The following SYT9 variants were observed in gnomAD, a reference collection of about 807,000 sequenced individuals.
The protein encoded by SYT9 is synaptotagmin 9.
Under a neutral mutation model 48.4 loss-of-function variants are expected in SYT9, and 22 were observed. That is an observed-to-expected ratio of 0.45 (90% confidence interval 0.32 to 0.65). SYT9 has a LOEUF of 0.65. SYT9 is among the 30% of genes least tolerant of loss of function. The probability of loss-of-function intolerance (pLI) is 0.03; values close to 1 mark genes in which losing one functional copy is unlikely to be tolerated. For missense variants in SYT9, 577 were observed against 622.0 expected, an observed-to-expected ratio of 0.93 and a Z score of 0.77; for synonymous variants, 265 against 245.0, an observed-to-expected ratio of 1.08 and a Z score of -0.76.
chr11:7,431,103 G>T (rs958709251), intron 6 of SYT9, among the ~76,000 whole-genome samples: 2 of 152,208 alleles, frequency 1.3e-5, no homozygotes, highest in Non-Finnish European at 2.9e-5. Context: ...CTGGTTAAAT[G>T]GTTGTGACCA....
intron 6 of SYT9, among the ~76,000 whole-genome samples, chr11:7,446,056 C>T (rs1411158028): frequency 6.6e-6 from 1 of 152,224 alleles, no homozygotes. Flanking sequence ...ATGTGGGAGC[C>T]CCAAGCTGGG....
Position 7,313,654 on chromosome 11 carries a change from T to C in SYT9, c.757T>C (p.Ser253Pro). The C allele has an allele frequency of 6.2e-7, 1 of 1,614,236 alleles. No homozygotes were observed. Among genetic ancestry groups the C allele is most frequent in the South Asian group, 1.1e-5 (1 of 91,084 alleles). The change falls in exon 3 of 7, where the codon TCT (serine) becomes CCT (proline). Residue 253 changes from serine to proline, a missense_variant. Transcript: ENST00000318881. Reference protein sequence around the residue: ...KAVNLPAKDFSGTSDPYVKIY... With the variant: ...KAVNLPAKDFPGTSDPYVKIY... ...TGTCAATTTGCCCGCCAAGGACTTT[T>C]CTGGGACTTCAGATCCTTATGTCAA... is the stretch of plus-strand genomic sequence containing the variant.
intron 1 of SYT9, among the ~76,000 whole-genome samples, chr11:7,297,824 T>C (rs1017622123): frequency 2.0e-5 from 3 of 152,248 alleles, no homozygotes; most frequent in Non-Finnish European, 4.4e-5. Flanking sequence ...CTAGTTTGAA[T>C]GTAATTTTTT....
intron 6 of SYT9, among the ~76,000 whole-genome samples, chr11:7,424,108 T>A (rs573283980): frequency 6.6e-6 from 1 of 152,178 alleles, no homozygotes; most frequent in Non-Finnish European, 1.5e-5. Flanking sequence ...CTCTGAGCCC[T>A]GCAGAGATCT....
intron 3 of SYT9, among the ~76,000 whole-genome samples, chr11:7,336,519 T>C (rs1226450380): frequency 6.6e-6 from 1 of 152,096 alleles, no homozygotes; most frequent in Non-Finnish European, 1.5e-5. Context: ...TTTTTGTATA[T>C]GGTGTAAGGA....
intron 3 of SYT9, among the ~76,000 whole-genome samples, chr11:7,394,059 C>T (rs7479546): frequency 0.28 from 41,815 of 151,506 alleles, 7,110 homozygotes; most frequent in East Asian, 0.59. Context: ...GTGCTGCACC[C>T]ATTAACTCAT....
chr11:7,365,379 C>A (rs973300086), intron 3 of SYT9, among the ~76,000 whole-genome samples: 2 of 152,106 alleles, frequency 1.3e-5, no homozygotes, highest in Admixed American at 6.6e-5. Flanking sequence ...CCTTAAATTT[C>A]TTCTTTTCTG....
At chr11:7,242,914 T>C (rs1299671657) in intron 1 of SYT9, among the ~76,000 whole-genome samples, 1 of 152,050 alleles carries the variant, frequency 6.6e-6, no homozygotes, top group Non-Finnish European at 1.5e-5. Flanking sequence ...GGCATGATGG[T>C]GGGTGCCTGT....
At chr11:7,398,826 A>G (rs1303322608) in intron 3 of SYT9, among the ~76,000 whole-genome samples, 1 of 152,112 alleles carries the variant, frequency 6.6e-6, no homozygotes, top group East Asian at 1.9e-4. Flanking sequence ...CATACAGCAC[A>G]CAATTTTCAG....
chr11:7,440,688 T>A (rs1163880132), intron 6 of SYT9: 1 of 152,232 alleles, frequency 6.6e-6, no homozygotes, highest in African/African-American at 2.4e-5. Flanking sequence ...CTGAAGAATA[T>A]CTAAAGATGA....
intron 6 of SYT9, among the ~76,000 whole-genome samples, chr11:7,431,897 C>T (rs1490269624): frequency 6.6e-6 from 1 of 152,148 alleles, no homozygotes; most frequent in Non-Finnish European, 1.5e-5. Context: ...AGCCTGAGTG[C>T]CCAGGAAGAA....
intron 3 of SYT9, among the ~76,000 whole-genome samples, chr11:7,342,109 C>T (rs371487847): frequency 1.3e-3 from 198 of 152,166 alleles, no homozygotes; most frequent in South Asian, 2.3e-3. Flanking sequence ...ATTATGGGAG[C>T]GACAATTCAA....
chr11:7,360,105 G>A (rs1315037570), intron 3 of SYT9, among the ~76,000 whole-genome samples: 3 of 152,058 alleles, frequency 2.0e-5, no homozygotes, highest in Non-Finnish European at 2.9e-5. Context: ...TTATTAAATA[G>A]GGAATCCTTT....
chr11:7,241,232 A>ACACACACG (rs1847736794), intron 1 of SYT9, among the ~76,000 whole-genome samples: 1 of 147,706 alleles, frequency 6.8e-6, no homozygotes, highest in African/African-American at 2.6e-5. Context: ...ACACACACAC[A>ACACACACG]CACACGCACA....
intron 6 of SYT9, among the ~76,000 whole-genome samples, chr11:7,445,164 A>G (rs1360444557): frequency 6.6e-6 from 1 of 152,256 alleles, no homozygotes; most frequent in African/African-American, 2.4e-5. Flanking sequence ...ACTTAAATGA[A>G]AAAATGAATG....
chr11:7,250,808 T>C (rs1847854061), upstream of SYT9, among the ~76,000 whole-genome samples: 1 of 152,062 alleles, frequency 6.6e-6, no homozygotes, highest in East Asian at 1.9e-4. Context: ...CACAACCTCA[T>C]GGCTAAGAAT....
intron 6 of SYT9, chr11:7,454,411 G>T: frequency 3.2e-6 from 2 of 625,556 alleles, no homozygotes; most frequent in Non-Finnish European, 4.0e-6. Context: ...TCTTCTCCCT[G>T]CCCTATCCCC....
chr11:7,297,226 T>G (rs527712448), intron 1 of SYT9, among the ~76,000 whole-genome samples: 2 of 152,310 alleles, frequency 1.3e-5, no homozygotes, highest in Non-Finnish European at 2.9e-5. Flanking sequence ...AGTCAGAGAT[T>G]CTGCCTACCA....
chr11:7,287,047 C>G (rs1848609538), intron 1 of SYT9, among the ~76,000 whole-genome samples: 1 of 151,980 alleles, frequency 6.6e-6, no homozygotes, highest in Admixed American at 6.6e-5. Flanking sequence ...TACCAATTTA[C>G]CGTGATAGTC....
Sources: allele counts gnomAD v4.1 joint callset (sites outside exome capture counted in the v4.1 genomes callset), GRCh38; gene constraint gnomAD v4.1.1; transcripts MANE v1.5; gene names NCBI Gene and HGNC (gene_info 2026-07-23, HGNC 2026-07-21).